Variants in CAPRIN1 observed in about 807,000 individuals in gnomAD.
CAPRIN1 encodes cell cycle associated protein 1.
Under a neutral mutation model 100.9 loss-of-function variants are expected in CAPRIN1, and 29 were observed. The ratio of observed to expected loss-of-function variants is 0.29; its 90% CI spans 0.21 to 0.39. CAPRIN1 has a LOEUF of 0.39. Ranked by LOEUF, CAPRIN1 falls within the 10% of genes least tolerant of loss-of-function variation. CAPRIN1 has a pLI of 1.00. For synonymous variants in CAPRIN1, 338 were observed against 307.5 expected, an observed-to-expected ratio of 1.10 and a Z score of -1.04; for missense variants, 795 against 876.7, an observed-to-expected ratio of 0.91 and a Z score of 1.18.
chr11:34,096,366 A>C, intron 15 of CAPRIN1, 113 bp from the exon 16 acceptor site: 1 of 667,290 alleles, frequency 1.5e-6, no homozygotes, highest in Non-Finnish European at 2.5e-6. Context: ...TGCAAATTTA[A>C]GGATTAAACT....
intron 2 of CAPRIN1, among the ~76,000 whole-genome samples, chr11:34,058,206 A>G (rs992879149): frequency 6.6e-6 from 1 of 151,794 alleles, no homozygotes; most frequent in Admixed American, 6.6e-5. Flanking sequence ...GTGCAATCTC[A>G]GCTCACTGCA....
Position 34,090,273 on chromosome 11 carries a change from C to G in CAPRIN1, c.1388C>G (p.Pro463Arg). The G allele has an allele frequency of 6.2e-7, 1 of 1,612,602 alleles. No individual in the cohort carries two copies. The highest frequency in any genetic ancestry group is 1.1e-5 in the South Asian group (1 of 91,014). The part of the protein sequence containing the change: ...HATEQRPQKE[P>R]IDQIQATISL... ...ACAGAGCAACGACCACAGAAGGAAC[C>G]AATTGATCAGATTCAGGCAAGTTCT... Residue 463 changes from proline to arginine, a missense_variant, in exon 13 of 19, where the codon CCA becomes CGA. Pro to Arg is a moderately radical substitution (Grantham distance 103). This residue lies in a region of CAPRIN1 where 648 missense variants were observed against 697.9 expected (regional missense o/e 0.93). Coordinates refer to ENST00000341394, the MANE Select transcript of CAPRIN1 (RefSeq NM_005898.5).
intron 2 of CAPRIN1, among the ~76,000 whole-genome samples, chr11:34,056,842 C>G (rs189556173): frequency 6.6e-6 from 1 of 152,174 alleles, no homozygotes; most frequent in African/African-American, 2.4e-5. Context: ...TGATCACTTG[C>G]GTAAAATGCA....
chr11:34,066,949 T>TA (rs1491256395), intron 2 of CAPRIN1, among the ~76,000 whole-genome samples: 7 of 149,890 alleles, frequency 4.7e-5, no homozygotes, highest in South Asian at 2.1e-4. Context: ...TTTTTTTTTT[T>TA]AAGACAGTCT....
chr11:34,095,182 C>A (rs1851345932), intron 15 of CAPRIN1, among the ~76,000 whole-genome samples: 1 of 152,150 alleles, frequency 6.6e-6, no homozygotes, highest in East Asian at 1.9e-4. Context: ...CAGTGTGAGC[C>A]ACTACACCCA....
chr11:34,062,181 T>A (rs901855813), intron 2 of CAPRIN1, among the ~76,000 whole-genome samples: 2 of 152,132 alleles, frequency 1.3e-5, no homozygotes, highest in Admixed American at 1.3e-4. Context: ...TCTGGGGATT[T>A]CACTAGCTAA....
At chr11:34,090,786 T>G in intron 14 of CAPRIN1, 108 bp downstream of exon 14, 1 of 871,812 alleles carries the variant, frequency 1.1e-6, no homozygotes. Context: ...TCTGCATCTT[T>G]CATTAACTGT....
In CAPRIN1 at chr11:34,097,234, C is replaced by G; in HGVS notation, c.1939C>G (p.Pro647Ala). 1 of 1,613,952 alleles carries G rather than the reference C, an allele frequency of 6.2e-7. No individual in the cohort carries two copies. The highest frequency in any genetic ancestry group is 8.5e-7 in the Non-Finnish European group (1 of 1,179,850). The change falls in exon 17 of 19, where the codon CCA (proline) becomes GCA (alanine). Residue 647 changes from proline to alanine, a missense_variant. This residue lies in a region of CAPRIN1 where 648 missense variants were observed against 697.9 expected (regional missense o/e 0.93). Coordinates refer to ENST00000341394, the MANE Select transcript of CAPRIN1 (RefSeq NM_005898.5). ...TTACCGCCCTTCATTCTCTAACACT[C>G]CAAACAGTGGTTATACACAGTCTCA... ...DGYRPSFSNT[P>A]NSGYTQSQFS...
At position 34,097,312 on chromosome 11, in the gene CAPRIN1, C is replaced by A; in HGVS notation, c.2001+16C>A. The A allele has an allele frequency of 1.3e-6, 2 of 1,553,858 alleles. No homozygotes were observed. Among genetic ancestry groups the A allele is most frequent in the Non-Finnish European group, 1.8e-6 (2 of 1,125,338 alleles). ...CTATCAACGGGTAGGTAAAGTAGTT[C>A]TAAAGTGTAAACCTGAACTAAATAT... On this transcript the variant is annotated intron_variant, in intron 17 of 18. Transcript: ENST00000341394.
chr11:34,073,881 C>A (rs556952220), intron 4 of CAPRIN1, among the ~76,000 whole-genome samples: 1 of 152,108 alleles, frequency 6.6e-6, no homozygotes, highest in Non-Finnish European at 1.5e-5. Flanking sequence ...ATATAAAGAA[C>A]AGAAATTTGT....
intron 11 of CAPRIN1, 106 bp from the exon 12 acceptor site, chr11:34,089,283 CAAAAAA>C (rs547881239): frequency 1.5e-3 from 32 of 21,540 alleles, no homozygotes; most frequent in Admixed American, 2.6e-3. Context: ...CCCCCCCCCG[CAAAAAA>C]AAAAAAAAAA....
chr11:34,098,280 G>GTAT, intron 18 of CAPRIN1: 1 of 984,172 alleles, frequency 1.0e-6, no homozygotes, highest in South Asian at 4.7e-5. Context: ...ACCTCTATTA[G>GTAT]TGATATAAAT....
At chr11:34,077,448 C>T (rs1002284805) in intron 6 of CAPRIN1, among the ~76,000 whole-genome samples, 1 of 152,288 alleles carries the variant, frequency 6.6e-6, no homozygotes, top group East Asian at 1.9e-4. Context: ...TTAAAATATG[C>T]TGATACTTGG....
chr11:34,079,838 T>C (rs991776945), intron 7 of CAPRIN1, 73 bp downstream of exon 7: 2 of 1,401,264 alleles, frequency 1.4e-6, no homozygotes, highest in Non-Finnish European at 2.0e-6. Flanking sequence ...ATTTAAACTA[T>C]ACACTTACTT....
chr11:34,054,836 A>C (rs1308096654), intron 2 of CAPRIN1, among the ~76,000 whole-genome samples: 1 of 152,234 alleles, frequency 6.6e-6, no homozygotes, highest in African/African-American at 2.4e-5. Context: ...AATTGAACAT[A>C]AAATATTAAT....
intron 2 of CAPRIN1, among the ~76,000 whole-genome samples, chr11:34,054,659 C>G (rs969559304): frequency 2.0e-5 from 3 of 152,144 alleles, no homozygotes; most frequent in Non-Finnish European, 4.4e-5. Flanking sequence ...GATCTCTTGA[C>G]CTCCTGATCC....
chr11:34,052,485 G>A lies in CAPRIN1; in HGVS notation c.65G>A (p.Gly22Asp). The A allele has an allele frequency of 6.2e-7, 1 of 1,607,872 alleles. No homozygotes were observed. Among genetic ancestry groups the A allele is most frequent in the Admixed American group, 1.7e-5 (1 of 59,382 alleles). ...TCGTCCGGACCGCCACCGCCGTCGG[G>A]TTCCTCCGGGAGTGAGGCGGCCGCG... ...SKSSGPPPPSGSSGSEAAAGA... is the reference protein window; with the variant it reads ...SKSSGPPPPSDSSGSEAAAGA... The change falls in exon 2 of 19, where the codon GGT becomes GAT. Residue 22 changes from glycine to aspartate, a missense_variant. By Grantham distance (94) the Gly-to-Asp change is moderately conservative (BLOSUM62 -1). Around this residue, in one of 3 missense-constraint regions of CAPRIN1, gnomAD observed 109 missense variants for 86.6 expected, o/e 1.26. Coordinates refer to ENST00000341394, the MANE Select transcript of CAPRIN1 (RefSeq NM_005898.5).
chr11:34,092,193 C>T, intron 15 of CAPRIN1, 137 bp downstream of exon 15: 3 of 783,660 alleles, frequency 3.8e-6, no homozygotes, highest in Non-Finnish European at 1.9e-6. Flanking sequence ...TTTTTCATTT[C>T]AGATCATGAG....
At chr11:34,075,653 A>T (rs1850890765) in intron 4 of CAPRIN1, among the ~76,000 whole-genome samples, 3 of 152,212 alleles carry the variant, frequency 2.0e-5, no homozygotes, top group Non-Finnish European at 2.9e-5. Context: ...AGTCATTAGT[A>T]GATACTCAAA....
Sources: allele counts gnomAD v4.1 joint callset (sites outside exome capture counted in the v4.1 genomes callset), GRCh38; gene constraint gnomAD v4.1.1; regional missense constraint gnomAD v4.1.1; transcripts MANE v1.5; gene names NCBI Gene and HGNC (gene_info 2026-07-23, HGNC 2026-07-21).